Variants in ASIC2 observed in about 807,000 individuals in gnomAD.
ASIC2 encodes acid sensing ion channel subunit 2.
ASIC2 carries 25 observed loss-of-function variants against 57.3 expected under a neutral mutation model. The ratio of observed to expected loss-of-function variants is 0.44; its 90% CI spans 0.32 to 0.61. The LOEUF (loss-of-function observed/expected upper bound fraction) is 0.61. Ranked by LOEUF, ASIC2 falls within the 20% of genes least tolerant of loss-of-function variation. The pLI is 0.06. For synonymous variants in ASIC2, 319 were observed against 307.5 expected (o/e 1.04, Z -0.39); for missense variants, 641 against 738.1 (o/e 0.87, Z 1.52).
At chr17:33,059,295 C>T (rs2092011312) in intron 3 of ASIC2, among the ~76,000 whole-genome samples, 1 of 152,156 alleles carries the variant, frequency 6.6e-6, no homozygotes, top group Non-Finnish European at 1.5e-5. Flanking sequence ...TCTCCTAATG[C>T]TATCCCTCCC....
At chr17:33,754,365 G>T (rs897662322) in intron 1 of ASIC2, among the ~76,000 whole-genome samples, 2 of 151,958 alleles carry the variant, frequency 1.3e-5, no homozygotes, top group African/African-American at 2.4e-5. Flanking sequence ...TCTGGGCTCC[G>T]GATGTCACAC....
chr17:33,809,781 G>T lies in ASIC2; in HGVS notation c.555+346197C>A, dbSNP rs149629859. ...TTAGAATTTTATTTAGTGCATGAAT[G>T]CTAACAAGTTGCTATATGTGCTGTC... On this transcript the variant is annotated intron_variant, in intron 1 of 9. Coordinates refer to the ASIC2 transcript ENST00000359872. Among the ~76,000 whole-genome samples, 374 of 152,322 alleles carry T rather than the reference G, an allele frequency of 2.5e-3. 3 individuals are homozygous for T. Among genetic ancestry groups the T allele is most frequent in the African/African-American group, 8.5e-3 (352 of 41,578 alleles).
At chr17:33,647,195 C>T (rs1039843634) in intron 1 of ASIC2, among the ~76,000 whole-genome samples, 21 of 152,266 alleles carry the variant, frequency 1.4e-4, no homozygotes, top group African/African-American at 4.8e-4. Flanking sequence ...CTCTGTTTAT[C>T]AATCTGTCAA....
chr17:34,153,727 A>G (rs1229916283), intron 1 of ASIC2, among the ~76,000 whole-genome samples: 2 of 152,214 alleles, frequency 1.3e-5, no homozygotes, highest in African/African-American at 4.8e-5. Flanking sequence ...CCCCTTTTCA[A>G]TGATGGGGAA....
intron 1 of ASIC2, among the ~76,000 whole-genome samples, chr17:33,951,351 G>A (rs1484885889): frequency 2.6e-5 from 4 of 151,980 alleles, no homozygotes; most frequent in Admixed American, 2.6e-4. Context: ...CACATAAAAG[G>A]TAGAACTGAG....
At position 33,743,189 on chromosome 17, in the gene ASIC2, T is replaced by C. The variant is rs115898813; in HGVS notation, c.555+412789A>G. Among the ~76,000 whole-genome samples the C allele has an allele frequency of 6.7e-3, 1,027 of 152,322 alleles. 9 individuals carry two copies. Among genetic ancestry groups the C allele is most frequent in the African/African-American group, 0.024 (980 of 41,574 alleles). On this transcript the variant is annotated intron_variant, in intron 1 of 9. Coordinates refer to the ASIC2 transcript ENST00000359872. The stretch of plus-strand genomic sequence containing the variant: ...ACTGGTGAAACTACTTTTAAAAAAA[T>C]CCAAATTATTTAAAGTCTCTGGAAA...
intron 1 of ASIC2, among the ~76,000 whole-genome samples, chr17:33,298,547 G>A (rs533546179): frequency 3.3e-5 from 5 of 152,076 alleles, no homozygotes; most frequent in African/African-American, 9.7e-5. Flanking sequence ...GAATAGTGCC[G>A]CAATAAACAT....
chr17:33,895,746 G>T (rs1342722462), intron 1 of ASIC2, among the ~76,000 whole-genome samples: 2 of 152,180 alleles, frequency 1.3e-5, no homozygotes, highest in Admixed American at 6.5e-5. Context: ...CCTCTACCAT[G>T]CTGTGATTTG....
At chr17:33,585,155 A>T (rs1904580320) in intron 1 of ASIC2, among the ~76,000 whole-genome samples, 1 of 152,146 alleles carries the variant, frequency 6.6e-6, no homozygotes, top group South Asian at 2.1e-4. Context: ...GATTTGTTCA[A>T]AGTGGCCTGA....
chr17:33,725,828 T>C (rs1029638296), intron 1 of ASIC2, among the ~76,000 whole-genome samples: 5 of 150,822 alleles, frequency 3.3e-5, no homozygotes, highest in African/African-American at 1.2e-4. Context: ...GGGTCTCTTG[T>C]GGCTCACAAA....
intron 1 of ASIC2, among the ~76,000 whole-genome samples, chr17:33,995,881 G>T (rs1906143957): frequency 6.6e-6 from 1 of 152,144 alleles, no homozygotes; most frequent in South Asian, 2.1e-4. Flanking sequence ...TCCAGAAGTA[G>T]GATTGCTGGA....
intron 1 of ASIC2, among the ~76,000 whole-genome samples, chr17:33,749,049 C>G (rs971585471): frequency 6.6e-6 from 1 of 152,120 alleles, no homozygotes; most frequent in Non-Finnish European, 1.5e-5. Context: ...GGAGAGCAAG[C>G]TGGCTCCTGC....
At chr17:33,072,321 G>C (rs1311518669) in intron 3 of ASIC2, among the ~76,000 whole-genome samples, 1 of 151,956 alleles carries the variant, frequency 6.6e-6, no homozygotes, top group Non-Finnish European at 1.5e-5. Context: ...TTTGTTTTTG[G>C]TGTTACTGTT....
At chr17:33,608,299 A>G (rs896225108) in intron 1 of ASIC2, among the ~76,000 whole-genome samples, 5 of 152,136 alleles carry the variant, frequency 3.3e-5, no homozygotes, top group Non-Finnish European at 7.4e-5. Context: ...TAGTAGAATT[A>G]TCTCCCCCAG....
At chr17:33,369,863 G>A (rs527321843) in intron 1 of ASIC2, among the ~76,000 whole-genome samples, 29 of 152,276 alleles carry the variant, frequency 1.9e-4, no homozygotes, top group Non-Finnish European at 3.4e-4. Flanking sequence ...TTAGTATAAG[G>A]AACACAATGA....
intron 1 of ASIC2, among the ~76,000 whole-genome samples, chr17:33,960,592 G>A (rs1377568349): frequency 1.3e-5 from 2 of 152,062 alleles, no homozygotes; most frequent in Non-Finnish European, 2.9e-5. Context: ...CAATGATCAG[G>A]ACCTTGCTGA....
At chr17:33,774,894 A>T (rs1226403659) in intron 1 of ASIC2, among the ~76,000 whole-genome samples, 2 of 152,180 alleles carry the variant, frequency 1.3e-5, no homozygotes, top group Non-Finnish European at 2.9e-5. Flanking sequence ...ACAATGATGA[A>T]TTTTTCAATG....
At chr17:33,502,940 G>A (rs929633902) in intron 1 of ASIC2, among the ~76,000 whole-genome samples, 1 of 152,096 alleles carries the variant, frequency 6.6e-6, no homozygotes, top group Non-Finnish European at 1.5e-5. Flanking sequence ...TTACAGGAAG[G>A]CGCATTTAAG....
At chr17:33,796,356 T>C (rs1911919996) in intron 1 of ASIC2, among the ~76,000 whole-genome samples, 1 of 152,180 alleles carries the variant, frequency 6.6e-6, no homozygotes, top group Non-Finnish European at 1.5e-5. Context: ...GTCATTTTGC[T>C]CCTCAGGATT....
Sources: gnomAD v4.1 joint callset for allele counts (sites outside exome capture counted in the v4.1 genomes callset) on GRCh38, gnomAD v4.1.1 for gene constraint, MANE v1.5 for transcripts, NCBI Gene and HGNC (gene_info 2026-07-23, HGNC 2026-07-21) for gene names.